The following PXDNL variants were observed in gnomAD, a reference collection of about 807,000 sequenced individuals.
PXDNL encodes probable oxidoreductase PXDNL.
Under a neutral mutation model 150.8 loss-of-function variants are expected in PXDNL, and 145 were observed. The observed-to-expected ratio is 0.96, with a 90% CI of 0.84 to 1.10. PXDNL has a LOEUF of 1.10. Among genes scored for constraint, PXDNL ranks in the 50% least tolerant of loss-of-function variants. The probability of loss-of-function intolerance (pLI) is 0.00; values close to 1 mark genes in which losing one functional copy is unlikely to be tolerated. For missense variants in PXDNL, 2,087 were observed against 1,873.9 expected, an observed-to-expected ratio of 1.11 and a Z score of -2.10; for synonymous variants, 757 against 725.7, an observed-to-expected ratio of 1.04 and a Z score of -0.69.
At chr8:51,445,078 C>T (rs1178656779) in intron 12 of PXDNL, among the ~76,000 whole-genome samples, 2 of 151,942 alleles carry the variant, frequency 1.3e-5, no homozygotes, top group African/African-American at 4.8e-5. Flanking sequence ...TGCCACCATG[C>T]CTGGCTAATT....
intron 19 of PXDNL, among the ~76,000 whole-genome samples, chr8:51,370,042 G>C (rs916922996): frequency 6.6e-6 from 1 of 152,154 alleles, no homozygotes; most frequent in African/African-American, 2.4e-5. Flanking sequence ...GTGGCGGTGC[G>C]CACAGAGGAA....
intron 1 of PXDNL, among the ~76,000 whole-genome samples, chr8:51,774,214 T>G (rs2037328179): frequency 1.3e-5 from 2 of 152,358 alleles, no homozygotes; most frequent in East Asian, 3.9e-4. Flanking sequence ...TGATTTGCAT[T>G]CTGTTTCTGC....
intron 1 of PXDNL, among the ~76,000 whole-genome samples, chr8:51,760,844 A>ATTTTTTTTTT (rs1563312827): frequency 6.5e-4 from 31 of 48,004 alleles, no homozygotes; most frequent in Non-Finnish European, 1.1e-3. Context: ...AATCACTTAA[A>ATTTTTTTTTT]CTTTTTTTTT....
chr8:51,577,808 G>C (rs1238808376), intron 3 of PXDNL, among the ~76,000 whole-genome samples: 1 of 149,982 alleles, frequency 6.7e-6, no homozygotes, highest in African/African-American at 2.4e-5. Context: ...TTCCCTCTAA[G>C]GTCAGGAGCA....
rs765738861 is a variant in PXDNL at position 51,668,172 on chromosome 8, C to CTTTTTTTTTTTT, written c.165-13413_165-13412insAAAAAAAAAAAA. Among the ~76,000 whole-genome samples the CTTTTTTTTTTTT allele has an allele frequency of 7.5e-3, 196 of 25,986 alleles. 8 individuals are homozygous for CTTTTTTTTTTTT. The highest frequency in any genetic ancestry group is 9.1e-3 in the Non-Finnish European group (144 of 15,766). The allele number at this position is 25,986 out of a possible 152,430, so 17.0% of individuals were successfully genotyped here. A position where few individuals can be genotyped will look rare whatever the true frequency, so the allele number is the denominator to read the frequency against. On this transcript the variant is annotated intron_variant, in intron 1 of 22. Transcript: ENST00000356297. ...CATAATACAAGGCTTCCTTCTCGCTCTCTCTTTTTTTTTTTTTTTTTGAGA... is the reference window on the plus strand; with the variant it reads ...CATAATACAAGGCTTCCTTCTCGCTCTTTTTTTTTTTTTCTCTTTTTTTTTTTTTTTTTGAGA...
intron 1 of PXDNL, among the ~76,000 whole-genome samples, chr8:51,710,760 A>G (rs1816481636): frequency 1.3e-5 from 2 of 152,220 alleles, no homozygotes; most frequent in Admixed American, 6.5e-5. Flanking sequence ...ATGTTGTCAC[A>G]AAGGGCAAAA....
intron 21 of PXDNL, among the ~76,000 whole-genome samples, chr8:51,330,147 C>G (rs993353821): frequency 1.3e-5 from 2 of 152,128 alleles, no homozygotes; most frequent in African/African-American, 4.8e-5. Flanking sequence ...CTTAGTCCAC[C>G]AATTCAAATG....
intron 3 of PXDNL, among the ~76,000 whole-genome samples, chr8:51,566,565 T>G (rs1812833683): frequency 6.6e-6 from 1 of 151,792 alleles, no homozygotes; most frequent in Non-Finnish European, 1.5e-5. Flanking sequence ...GTTACCAAAT[T>G]TATGGGCTTA....
At chr8:51,711,683 T>A (rs939345813) in intron 1 of PXDNL, among the ~76,000 whole-genome samples, 2 of 152,236 alleles carry the variant, frequency 1.3e-5, no homozygotes, top group African/African-American at 4.8e-5. Flanking sequence ...TTTGTTTTGT[T>A]AAGGAACTTT....
intron 4 of PXDNL, among the ~76,000 whole-genome samples, chr8:51,530,147 A>C (rs1222326757): frequency 6.6e-6 from 1 of 152,160 alleles, no homozygotes; most frequent in African/African-American, 2.4e-5. Context: ...TCTGGAGTTC[A>C]TGGCAGAGGT....
At chr8:51,743,476 G>A (rs1390532023) in intron 1 of PXDNL, among the ~76,000 whole-genome samples, 3 of 152,052 alleles carry the variant, frequency 2.0e-5, no homozygotes, top group Admixed American at 1.3e-4. Flanking sequence ...CTACCTCCAG[G>A]GTTCAAGCGA....
At chr8:51,328,255 A>C (rs1805579610) in intron 21 of PXDNL, among the ~76,000 whole-genome samples, 1 of 152,246 alleles carries the variant, frequency 6.6e-6, no homozygotes. Flanking sequence ...AATGCCTTTT[A>C]ATACACATAT....
chr8:51,639,645 TAA>T (rs1452662858), intron 2 of PXDNL, among the ~76,000 whole-genome samples: 1 of 152,108 alleles, frequency 6.6e-6, no homozygotes, highest in African/African-American at 2.4e-5. Flanking sequence ...CTCCCAAGAC[TAA>T]ACCAGGAAGA....
At chr8:51,396,251 C>T (rs571807135) in intron 17 of PXDNL, among the ~76,000 whole-genome samples, 1 of 152,278 alleles carries the variant, frequency 6.6e-6, no homozygotes, top group South Asian at 2.1e-4. Context: ...TTTTCTCTTT[C>T]CACACGCCAA....
At chr8:51,608,961 T>C (rs1813938738) in intron 2 of PXDNL, among the ~76,000 whole-genome samples, 1 of 151,854 alleles carries the variant, frequency 6.6e-6, no homozygotes, top group Admixed American at 6.6e-5. Context: ...ATTGACGAGG[T>C]GCTCTTTCAA....
chr8:51,752,540 G>T (rs1006729118), intron 1 of PXDNL, among the ~76,000 whole-genome samples: 14 of 152,092 alleles, frequency 9.2e-5, no homozygotes, highest in Admixed American at 6.5e-4. Flanking sequence ...GACCTGGCCT[G>T]CCACAGAAGG....
chr8:51,471,431 C>T (rs1044281088), intron 8 of PXDNL, among the ~76,000 whole-genome samples: 1 of 152,098 alleles, frequency 6.6e-6, no homozygotes, highest in Non-Finnish European at 1.5e-5. Context: ...AATGACTAGC[C>T]ATTTAAATAA....
intron 21 of PXDNL, among the ~76,000 whole-genome samples, chr8:51,327,402 C>G (rs968412572): frequency 2.0e-5 from 3 of 152,166 alleles, no homozygotes; most frequent in Non-Finnish European, 4.4e-5. Flanking sequence ...TCACTGGGAG[C>G]TGTACGGAAA....
At chr8:51,646,491 T>C (rs1279507839) in intron 2 of PXDNL, among the ~76,000 whole-genome samples, 1 of 152,198 alleles carries the variant, frequency 6.6e-6, no homozygotes, top group Non-Finnish European at 1.5e-5. Flanking sequence ...CTGTGTCAGA[T>C]ATTGCTGATT....
Sources: allele counts gnomAD v4.1 joint callset (sites outside exome capture counted in the v4.1 genomes callset), GRCh38; gene constraint gnomAD v4.1.1; transcripts MANE v1.5; gene names NCBI Gene and HGNC (gene_info 2026-07-23, HGNC 2026-07-21).